ARHGAP29: variants seen among roughly 807,000 people sequenced by gnomAD.
ARHGAP29 encodes the protein Rho GTPase activating protein 29, also known as rho GTPase-activating protein 29.
Under a neutral mutation model 122.6 loss-of-function variants are expected in ARHGAP29, and 43 were observed. The observed-to-expected ratio is 0.35, with a 90% CI of 0.27 to 0.45. The LOEUF (loss-of-function observed/expected upper bound fraction) is 0.45. ARHGAP29 is among the 20% of genes least tolerant of loss of function. ARHGAP29 has a pLI of 1.00. For synonymous variants in ARHGAP29, 506 were observed against 497.1 expected (o/e 1.02, Z -0.24); for missense variants, 1,303 against 1,477.2 (o/e 0.88, Z 1.93).
At chr1:94,186,621 T>C (rs1251098558) in intron 15 of ARHGAP29, 24 bp from the exon 16 acceptor site, 2 of 1,489,466 alleles carry the variant, frequency 1.3e-6, no homozygotes, top group African/African-American at 2.8e-5. Context: ...GTGGATACAA[T>C]TACCTGACCA....
At chr1:94,230,165 T>A (rs1222686921) in intron 2 of ARHGAP29, among the ~76,000 whole-genome samples, 1 of 151,684 alleles carries the variant, frequency 6.6e-6, no homozygotes, top group Non-Finnish European at 1.5e-5. Flanking sequence ...TTAACCTAGT[T>A]AAGAACAAAT....
chr1:94,249,226 A>T (rs1197823546), intron 1 of ARHGAP29, among the ~76,000 whole-genome samples: 1 of 152,256 alleles, frequency 6.6e-6, no homozygotes, highest in Non-Finnish European at 1.5e-5. Context: ...AAAGTGGCTC[A>T]TGATCATGGT....
chr1:94,200,839 A>G (rs780320132), intron 12 of ARHGAP29, among the ~76,000 whole-genome samples: 2 of 152,212 alleles, frequency 1.3e-5, no homozygotes, highest in Non-Finnish European at 2.9e-5. Flanking sequence ...CAAACTCATA[A>G]GGCAGAGAAC....
At chr1:94,314,421 TGCTCCCTGAAGTCATCAGTA>T in the ARHGAP29 span, among the ~76,000 whole-genome samples, 1 of 152,198 alleles carries the variant, frequency 6.6e-6, no homozygotes, top group African/African-American at 2.4e-5. Flanking sequence ...TGGGGGATTG[TGCTCCCTGAAGTCATCAGTA>T]GCTCCCTGAA....
chr1:94,283,196 T>G, the ARHGAP29 span, among the ~76,000 whole-genome samples: 1 of 152,206 alleles, frequency 6.6e-6, no homozygotes. Context: ...TCTGTTTTTG[T>G]AGCAAGTAAC....
At chr1:94,185,255 C>T in intron 17 of ARHGAP29, 87 bp downstream of exon 17, 1 of 1,402,178 alleles carries the variant, frequency 7.1e-7, no homozygotes, top group Middle Eastern at 1.9e-4. Flanking sequence ...CATATATTTG[C>T]AAAAGATCCT....
chr1:94,288,743 G>A, the ARHGAP29 span, among the ~76,000 whole-genome samples: 3 of 152,104 alleles, frequency 2.0e-5, no homozygotes, highest in South Asian at 2.1e-4. Context: ...AGCACCATTT[G>A]TTAAATAGGG....
intron 19 of ARHGAP29, among the ~76,000 whole-genome samples, chr1:94,181,560 C>T (rs2101370972): frequency 6.6e-6 from 1 of 152,222 alleles, no homozygotes; most frequent in Admixed American, 6.5e-5. Flanking sequence ...CAAACTACCC[C>T]AAGAACAGAA....
At chr1:94,174,853 A>AT in intron 22 of ARHGAP29, 104 bp from the exon 23 acceptor site, 1 of 1,286,040 alleles carries the variant, frequency 7.8e-7, no homozygotes, top group Non-Finnish European at 1.1e-6. Context: ...AGTCTTACAT[A>AT]TTTTTTCCAA....
At chr1:94,178,293 T>C in intron 20 of ARHGAP29, 126 bp from the exon 21 acceptor site, 1 of 819,228 alleles carries the variant, frequency 1.2e-6, no homozygotes, top group Non-Finnish European at 1.9e-6. Flanking sequence ...GGAAAAAGTC[T>C]AGGAAAAGGT....
intron 1 of ARHGAP29, among the ~76,000 whole-genome samples, chr1:94,263,416 T>G (rs901234657): frequency 1.3e-5 from 2 of 149,438 alleles, no homozygotes; most frequent in Non-Finnish European, 3.0e-5. Flanking sequence ...AGGTTTGGGG[T>G]CTTGTGCATC....
chr1:94,222,020 T>C (rs1292446077), intron 2 of ARHGAP29, among the ~76,000 whole-genome samples: 2 of 147,872 alleles, frequency 1.4e-5, no homozygotes, highest in African/African-American at 2.5e-5. Flanking sequence ...CACCCCCCAG[T>C]GAGGAGGGCA....
the ARHGAP29 span, among the ~76,000 whole-genome samples, chr1:94,309,445 C>G: frequency 2.6e-5 from 4 of 152,226 alleles, no homozygotes; most frequent in Admixed American, 2.6e-4. Context: ...AGTGCTCTTC[C>G]TCGCTTATCA....
chr1:94,237,329 G>C (rs1175667715), intron 1 of ARHGAP29, 86 bp downstream of exon 1: 1 of 912,536 alleles, frequency 1.1e-6, no homozygotes, highest in African/African-American at 1.8e-5. Context: ...GACCCTGGAC[G>C]GCAATTCGCG....
At chr1:94,276,617 C>CA (rs1655199577), upstream of ARHGAP29, among the ~76,000 whole-genome samples, 1 of 150,680 alleles carries the variant, frequency 6.6e-6, no homozygotes, top group Non-Finnish European at 1.5e-5. Flanking sequence ...CCCATCTCTA[C>CA]AAAAAATACA....
intron 1 of ARHGAP29, among the ~76,000 whole-genome samples, chr1:94,272,851 C>G (rs972987302): frequency 1.3e-5 from 2 of 152,162 alleles, no homozygotes; most frequent in South Asian, 4.1e-4. Context: ...TCCTTTTTGG[C>G]GACTGCTTCT....
intron 12 of ARHGAP29, 40 bp from the exon 13 acceptor site, chr1:94,190,123 T>TAC: frequency 1.3e-6 from 2 of 1,593,792 alleles, no homozygotes; most frequent in Non-Finnish European, 1.7e-6. Context: ...ACTCATGATA[T>TAC]ACAGAATGCT....
intron 1 of ARHGAP29, among the ~76,000 whole-genome samples, chr1:94,255,552 G>C (rs1654309101): frequency 6.6e-6 from 1 of 152,162 alleles, no homozygotes; most frequent in Non-Finnish European, 1.5e-5. Flanking sequence ...TCCACCTGTG[G>C]CTGCAAATTG....
chr1:94,272,021 A>T (rs1655011810), intron 1 of ARHGAP29, among the ~76,000 whole-genome samples: 2 of 152,194 alleles, frequency 1.3e-5, no homozygotes, highest in East Asian at 3.9e-4. Flanking sequence ...AGCCCAGGTT[A>T]TCCACTTGGG....
Sources: gnomAD v4.1 joint callset for allele counts (sites outside exome capture counted in the v4.1 genomes callset) on GRCh38, gnomAD v4.1.1 for gene constraint, MANE v1.5 for transcripts, NCBI Gene and HGNC (gene_info 2026-07-23, HGNC 2026-07-21) for gene names.